The following ERC2 variants were observed in gnomAD, a reference collection of about 807,000 sequenced individuals.
ERC2 encodes the protein ERC protein 2.
ERC2 carries 42 observed loss-of-function variants against 114.8 expected under a neutral mutation model. The ratio of observed to expected loss-of-function variants is 0.37; its 90% CI spans 0.29 to 0.47. The LOEUF (loss-of-function observed/expected upper bound fraction) is 0.47. Ranked by LOEUF, ERC2 falls within the 20% of genes least tolerant of loss-of-function variation. ERC2 has a pLI of 0.99. For missense variants in ERC2, 939 were observed against 1,150.7 expected, an observed-to-expected ratio of 0.82 and a Z score of 2.66; for synonymous variants, 454 against 425.5, an observed-to-expected ratio of 1.07 and a Z score of -0.82.
chr3:55,598,892 GA>G (rs35331302), intron 17 of ERC2, among the ~76,000 whole-genome samples: 41,900 of 152,132 alleles, frequency 0.28, 6,791 homozygotes, highest in Non-Finnish European at 0.37. Flanking sequence ...TGCTAGAATA[GA>G]AAGTTTCCAC....
chr3:55,609,280 G>T (rs1298160948), intron 17 of ERC2, among the ~76,000 whole-genome samples: 1 of 152,182 alleles, frequency 6.6e-6, no homozygotes, highest in Admixed American at 6.5e-5. Flanking sequence ...AGGTTCCACT[G>T]CAACTCAGGG....
At chr3:55,549,293 A>AT (rs1239935985) in intron 17 of ERC2, among the ~76,000 whole-genome samples, 2 of 152,022 alleles carry the variant, frequency 1.3e-5, no homozygotes, top group African/African-American at 2.4e-5. Context: ...GCAAAAAAAA[A>AT]GGCCTCTATG....
intron 2 of ERC2, among the ~76,000 whole-genome samples, chr3:56,303,480 G>A (rs1279799292): frequency 3.9e-5 from 6 of 152,150 alleles, no homozygotes; most frequent in Admixed American, 6.5e-5. Flanking sequence ...GACAATGAAG[G>A]AGGTCATAAT....
intron 3 of ERC2, among the ~76,000 whole-genome samples, chr3:56,261,879 A>G (rs1213492282): frequency 2.0e-4 from 30 of 151,970 alleles, no homozygotes; most frequent in South Asian, 2.1e-4. Flanking sequence ...CCACCCTCCA[A>G]TAGTCCCCAG....
At chr3:55,959,019 T>G (rs1242159923) in intron 12 of ERC2, among the ~76,000 whole-genome samples, 1 of 151,948 alleles carries the variant, frequency 6.6e-6, no homozygotes, top group Non-Finnish European at 1.5e-5. Flanking sequence ...CAGCTGTGCC[T>G]CCCCACTGCA....
At chr3:56,306,108 A>G (rs2056211591) in intron 2 of ERC2, among the ~76,000 whole-genome samples, 2 of 152,044 alleles carry the variant, frequency 1.3e-5, no homozygotes, top group Non-Finnish European at 2.9e-5. Flanking sequence ...CTCGGCCTCC[A>G]AAAGTGATGG....
chr3:55,967,291 C>A (rs996995451), intron 12 of ERC2, among the ~76,000 whole-genome samples: 2 of 151,964 alleles, frequency 1.3e-5, no homozygotes, highest in Non-Finnish European at 2.9e-5. Flanking sequence ...GGTAATAAGT[C>A]AAATTTTTTA....
intron 14 of ERC2, among the ~76,000 whole-genome samples, chr3:55,748,345 A>C (rs1288008352): frequency 6.6e-6 from 1 of 152,162 alleles, no homozygotes; most frequent in Middle Eastern, 3.2e-3. Context: ...CAACTCATTC[A>C]CCACATATTT....
chr3:56,111,655 G>A (rs950135737), intron 6 of ERC2, among the ~76,000 whole-genome samples: 5 of 152,148 alleles, frequency 3.3e-5, no homozygotes, highest in Non-Finnish European at 7.3e-5. Flanking sequence ...GGGAGAAAAC[G>A]AAGATGATGG....
intron 14 of ERC2, among the ~76,000 whole-genome samples, chr3:55,868,732 T>G (rs2062437110): frequency 6.6e-6 from 1 of 152,230 alleles, no homozygotes; most frequent in Non-Finnish European, 1.5e-5. Flanking sequence ...TTGGCTGAGG[T>G]CAGCCTTGGC....
At chr3:56,416,845 T>C (rs1461197863) in intron 2 of ERC2, among the ~76,000 whole-genome samples, 1 of 152,184 alleles carries the variant, frequency 6.6e-6, no homozygotes, top group East Asian at 1.9e-4. Flanking sequence ...GTTCCATGTT[T>C]ATTGACTTAA....
At chr3:56,201,116 T>C (rs1319226705) in intron 3 of ERC2, among the ~76,000 whole-genome samples, 1 of 152,154 alleles carries the variant, frequency 6.6e-6, no homozygotes, top group Non-Finnish European at 1.5e-5. Flanking sequence ...CTTCAGTCCT[T>C]CTGCCTGGTT....
chr3:55,924,263 A>G (rs1194630359), intron 13 of ERC2, among the ~76,000 whole-genome samples: 1 of 152,126 alleles, frequency 6.6e-6, no homozygotes, highest in African/African-American at 2.4e-5. Flanking sequence ...AGGGCCAGAC[A>G]GTAAAATTTC....
chr3:56,003,226 T>C, intron 10 of ERC2: 1 of 871,616 alleles, frequency 1.1e-6, no homozygotes, highest in Non-Finnish European at 1.6e-6. Context: ...AATCCATGCA[T>C]TCGCACAGAC....
intron 6 of ERC2, among the ~76,000 whole-genome samples, chr3:56,082,570 GT>G (rs932590885): frequency 1.3e-5 from 2 of 152,132 alleles, no homozygotes; most frequent in Admixed American, 1.3e-4. Flanking sequence ...CAAAGCCAGG[GT>G]TAGAACAATC....
intron 1 of ERC2, among the ~76,000 whole-genome samples, chr3:56,440,488 C>T (rs2062243296): frequency 6.7e-6 from 1 of 149,038 alleles, no homozygotes; most frequent in Non-Finnish European, 1.5e-5. Context: ...GCGGAGCTTG[C>T]AGTGAGCCAA....
In ERC2 at chr3:55,510,266, T is replaced by TA. The variant is rs34830121; in HGVS notation, c.*1049dup. The stretch of plus-strand genomic sequence containing the variant: ...ATCCATGTTGCAGACACATTTTCTT[T>TA]AAAAAAAAAAAAAAAGAGAAATGAC... On this transcript the variant is annotated 3_prime_UTR_variant, in exon 18 of 18. Transcript: ENST00000288221. 4.0e-3 allele frequency: 582 copies of TA among 147,256 alleles called. 3 individuals are homozygous for TA. The highest frequency in any genetic ancestry group is 0.011 in the African/African-American group (439 of 40,118). The allele number at this position is 147,256 out of a possible 1,614,324, so 9.1% of individuals were successfully genotyped here.
chr3:56,218,179 A>G (rs1297430821), intron 3 of ERC2, among the ~76,000 whole-genome samples: 2 of 152,090 alleles, frequency 1.3e-5, no homozygotes, highest in African/African-American at 2.4e-5. Flanking sequence ...CAGCAAAAGA[A>G]ACTACCATCA....
chr3:56,128,088 T>C (rs1431001165), intron 6 of ERC2, among the ~76,000 whole-genome samples: 1 of 151,258 alleles, frequency 6.6e-6, no homozygotes, highest in Non-Finnish European at 1.5e-5. Context: ...ATAAATAAAT[T>C]TTTAAATTTT....
Sources: gnomAD v4.1 joint callset for allele counts (sites outside exome capture counted in the v4.1 genomes callset) on GRCh38, gnomAD v4.1.1 for gene constraint, MANE v1.5 for transcripts, NCBI Gene and HGNC (gene_info 2026-07-23, HGNC 2026-07-21) for gene names.